Variants in DNAH17 observed in about 807,000 individuals in gnomAD.
The protein encoded by DNAH17 is axonemal beta dynein heavy chain 17.
Under a neutral mutation model 485.6 loss-of-function variants are expected in DNAH17, and 376 were observed. The ratio of observed to expected loss-of-function variants is 0.77; its 90% CI spans 0.71 to 0.84. The LOEUF (loss-of-function observed/expected upper bound fraction) is 0.84, where lower values mean the gene tolerates loss of function less well. Among genes scored for constraint, DNAH17 ranks in the 40% least tolerant of loss-of-function variants. The pLI, the probability that DNAH17 is intolerant of heterozygous loss-of-function variation, is 0.00. For synonymous variants in DNAH17, 3,031 were observed against 2,405.9 expected, an observed-to-expected ratio of 1.26 and a Z score of -7.60; for missense variants, 6,370 against 5,839.3, an observed-to-expected ratio of 1.09 and a Z score of -2.96.
At chr17:78,510,621 A>G (rs2090609271) in intron 26 of DNAH17, 115 bp from the exon 27 acceptor site, 1 of 1,417,404 alleles carries the variant, frequency 7.1e-7, no homozygotes, top group East Asian at 2.3e-5. Flanking sequence ...GGGCTGCTGG[A>G]GGGAGGGAGG....
chr17:78,506,544 A>C (rs2090489800), intron 30 of DNAH17, among the ~76,000 whole-genome samples, 176 bp downstream of exon 30: 1 of 152,190 alleles, frequency 6.6e-6, no homozygotes, highest in Non-Finnish European at 1.5e-5. Flanking sequence ...GAGTCCTGCC[A>C]CGTTTCTGCC....
In DNAH17 at chr17:78,425,445, C is replaced by T. The variant is rs1262813989; in HGVS notation, c.13042G>A (p.Asp4348Asn). The T allele has an allele frequency of 6.2e-7, 1 of 1,613,842 alleles. No individual in the cohort carries two copies. Among genetic ancestry groups the T allele is most frequent in the Non-Finnish European group, 8.5e-7 (1 of 1,179,902 alleles). The change falls in exon 80 of 81, where the codon GAC becomes AAC. Residue 4348 changes from aspartate to asparagine, a missense_variant. Transcript: ENST00000389840. ...SMARKNEWPLDKMCLSVEVTK... is the reference protein window; with the variant it reads ...SMARKNEWPLNKMCLSVEVTK... ...ACCTCGACAGACAGACACATCTTGT[C>T]CAGGGGCCACTCGTTCTTCCTGGCC...
intron 50 of DNAH17, 134 bp from the exon 51 acceptor site, chr17:78,479,250 G>A: frequency 1.9e-6 from 2 of 1,045,554 alleles, no homozygotes; most frequent in Non-Finnish European, 2.8e-6. Flanking sequence ...GCTCTTTGAA[G>A]TGGGAGGGAA....
In DNAH17 at chr17:78,451,340, G is replaced by A. The variant is rs1056822245; in HGVS notation, c.10734+129C>T. Reference sequence around the variant, plus strand: ...AAGCTGTGATGCCGTGGGACACACTGAGGCACCTTCAGAGAGAAGCAACGA... The same window carrying A: ...AAGCTGTGATGCCGTGGGACACACTAAGGCACCTTCAGAGAGAAGCAACGA... On this transcript the variant is annotated intron_variant, in intron 66 of 80. Transcript: ENST00000389840. 4 of 796,892 alleles carry A rather than the reference G, an allele frequency of 5.0e-6. No homozygotes were observed. In the African/African-American group the frequency reaches 7.0e-5, roughly 14 times the overall value. 49.4% of individuals were successfully genotyped at this position (796,892 alleles called of 1,614,324 possible). A position where few individuals can be genotyped will look rare whatever the true frequency, so the allele number is the denominator to read the frequency against.
chr17:78,560,475 T>C (rs954254289), intron 13 of DNAH17, among the ~76,000 whole-genome samples: 1 of 139,706 alleles, frequency 7.2e-6, no homozygotes, highest in Non-Finnish European at 1.6e-5. Flanking sequence ...CGGCAAAGAC[T>C]TTTTCCCCCC....
chr17:78,529,685 G>C lies in DNAH17; in HGVS notation c.3294C>G (p.Asp1098Glu), dbSNP rs578211451. 6.2e-7 allele frequency: 1 copy of C among 1,613,918 alleles called. No homozygotes were observed. Among genetic ancestry groups the C allele is most frequent in the African/African-American group, 1.3e-5 (1 of 75,022 alleles). ...TGGCGACTTTCATGAAGGCTTCCAG[G>C]TCAGCCAGGCTAAGGGACAAGGGGA... is the stretch of plus-strand genomic sequence containing the variant. ...LSNHVTNSLA[D>E]LEAFMKVARM... The change falls in exon 22 of 81, where the codon GAC (aspartate) becomes GAG (glutamate). Residue 1098 changes from aspartate (D) to glutamate (E), a missense_variant. Physicochemically the swap from Asp to Glu is conservative, Grantham distance 45 (BLOSUM62 2). Coordinates refer to ENST00000389840, the MANE Select transcript of DNAH17 (RefSeq NM_173628.4).
At chr17:78,462,820 T>C (rs774121729) in intron 57 of DNAH17, 24 bp downstream of exon 57, 18 of 1,612,332 alleles carry the variant, frequency 1.1e-5, no homozygotes, top group Non-Finnish European at 1.5e-5. Flanking sequence ...GCACAGGAGC[T>C]GGCAGCCAGC....
intron 6 of DNAH17, 124 bp from the exon 7 acceptor site, chr17:78,570,496 G>A (rs2092336230): frequency 1.5e-6 from 2 of 1,302,694 alleles, no homozygotes; most frequent in Non-Finnish European, 2.1e-6. Flanking sequence ...AAAGAGGAGG[G>A]GAGAGGCAAC....
At chr17:78,534,224 G>A (rs2091314621) in intron 19 of DNAH17, among the ~76,000 whole-genome samples, 1 of 152,230 alleles carries the variant, frequency 6.6e-6, no homozygotes, top group Non-Finnish European at 1.5e-5. Context: ...CTATAGCCCA[G>A]AGCCCACATG....
At chr17:78,473,309 C>T (rs1301424448) in intron 54 of DNAH17, among the ~76,000 whole-genome samples, 1 of 152,142 alleles carries the variant, frequency 6.6e-6, no homozygotes, top group Non-Finnish European at 1.5e-5. Context: ...CTCTGGGAGG[C>T]TGAGGCGGGC....
chr17:78,562,417 C>T (rs2092176515), intron 11 of DNAH17, among the ~76,000 whole-genome samples: 1 of 152,086 alleles, frequency 6.6e-6, no homozygotes. Context: ...AATCCTGTTT[C>T]TACAAAAAAT....
intron 74 of DNAH17, among the ~76,000 whole-genome samples, chr17:78,435,077 G>A (rs1005692606): frequency 6.6e-6 from 1 of 152,176 alleles, no homozygotes; most frequent in East Asian, 1.9e-4. Flanking sequence ...TCCATCACTC[G>A]AGTATCCCCT....
chr17:78,485,889 C>T (rs993135926), intron 46 of DNAH17, 71 bp downstream of exon 46: 70 of 1,576,600 alleles, frequency 4.4e-5, no homozygotes, highest in Non-Finnish European at 5.3e-5. Flanking sequence ...TCCGTGCAGG[C>T]GTGTGGAGGG....
chr17:78,505,263 G>A lies in DNAH17; in HGVS notation c.4956+30C>T, dbSNP rs559793623. The A allele has an allele frequency of 1.9e-6, 3 of 1,612,712 alleles. No individual in the cohort carries two copies. The South Asian group carries it at 3.3e-5, about 18-fold the overall frequency. ...CACGCGTGCTGCACCCTTGTCCTGG[G>A]TTCCCTGTGTGGTGTGCGCACACAC... On this transcript the variant is annotated intron_variant, in intron 31 of 80. Coordinates refer to ENST00000389840, the MANE Select transcript of DNAH17 (RefSeq NM_173628.4).
chr17:78,450,221 A>G lies in DNAH17; in HGVS notation c.11040+33T>C, dbSNP rs762860444. ...GGAGCCCAGATGCAGCCCCACCTTG[A>G]GGGAGGCACCCAGCCCCAGCTGCAG... On this transcript the variant is annotated intron_variant, in intron 68 of 80. Coordinates refer to ENST00000389840, the MANE Select transcript of DNAH17 (RefSeq NM_173628.4). 3.0e-5 allele frequency: 48 copies of G among 1,611,520 alleles called. 2 individuals are homozygous for G. Among genetic ancestry groups the G allele is most frequent in the Non-Finnish European group, 3.6e-5 (42 of 1,178,378 alleles).
In DNAH17 at chr17:78,460,147, TC is replaced by T; in HGVS notation, c.9435+14del. On this transcript the variant is annotated intron_variant, in intron 59 of 80. Coordinates refer to ENST00000389840, the MANE Select transcript of DNAH17 (RefSeq NM_173628.4). ...AACCAGGCCAGGGGTCCCCTTTCTT[TC>T]CCTCCCCCTTTACCTTATTCAGAGT... 6.3e-7 allele frequency: 1 copy of T among 1,595,046 alleles called. No homozygotes were observed.
At chr17:78,555,564 AAAG>A (rs1460758944) in intron 14 of DNAH17, among the ~76,000 whole-genome samples, 46 of 150,126 alleles carry the variant, frequency 3.1e-4, no homozygotes, top group Admixed American at 1.5e-3. Flanking sequence ...AAAAAAAAAA[AAAG>A]AGGCAAGAAG....
intron 9 of DNAH17, among the ~76,000 whole-genome samples, chr17:78,567,766 C>T (rs1292025442): frequency 6.6e-6 from 1 of 152,178 alleles, no homozygotes; most frequent in Non-Finnish European, 1.5e-5. Flanking sequence ...CCCAGGGGCC[C>T]GGTCTCCCAT....
intron 74 of DNAH17, among the ~76,000 whole-genome samples, chr17:78,434,497 A>G (rs1056081786): frequency 1.3e-5 from 2 of 152,154 alleles, no homozygotes; most frequent in Non-Finnish European, 2.9e-5. Context: ...CTGCTTCCTA[A>G]TATCTTCCCA....
Sources: allele counts gnomAD v4.1 joint callset (sites outside exome capture counted in the v4.1 genomes callset), GRCh38; gene constraint gnomAD v4.1.1; transcripts MANE v1.5; gene names NCBI Gene and HGNC (gene_info 2026-07-23, HGNC 2026-07-21).